PRKD1: variants seen among roughly 807,000 people sequenced by gnomAD.
The protein encoded by PRKD1 is serine/threonine-protein kinase D1.
A neutral mutation model predicts 95.9 loss-of-function variants in PRKD1; 63 were observed. The ratio of observed to expected loss-of-function variants is 0.66; its 90% CI spans 0.54 to 0.81. The LOEUF is 0.81. PRKD1 is among the 30% of genes least tolerant of loss of function. The pLI is 0.00. For synonymous variants in PRKD1, 425 were observed against 423.1 expected (o/e 1.00, Z -0.05); for missense variants, 1,048 against 1,165.3 (o/e 0.90, Z 1.47).
At chr14:29,611,746 C>CAAAAAAAAAAA (rs368153834) in intron 13 of PRKD1, among the ~76,000 whole-genome samples, 1 of 136,584 alleles carries the variant, frequency 7.3e-6, no homozygotes, top group Non-Finnish European at 1.5e-5. Flanking sequence ...GAATTATTAC[C>CAAAAAAAAAAA]AAAAAAAAAA....
At chr14:29,593,662 G>T (rs1893205544) in intron 16 of PRKD1, among the ~76,000 whole-genome samples, 1 of 152,182 alleles carries the variant, frequency 6.6e-6, no homozygotes, top group African/African-American at 2.4e-5. Flanking sequence ...GTAAAGCAGA[G>T]CTGAGAGATG....
chr14:29,740,156 G>T (rs1029875811), intron 1 of PRKD1, among the ~76,000 whole-genome samples: 5 of 152,114 alleles, frequency 3.3e-5, no homozygotes, highest in Admixed American at 3.3e-4. Flanking sequence ...ACAGTAATTA[G>T]GCGTGTGGAT....
chr14:29,892,580 T>A (rs1203649792), intron 1 of PRKD1, among the ~76,000 whole-genome samples: 1 of 152,188 alleles, frequency 6.6e-6, no homozygotes, highest in Non-Finnish European at 1.5e-5. Flanking sequence ...CTACAAGATC[T>A]AGCCTCCTCT....
chr14:29,893,825 C>T (rs536266019), intron 1 of PRKD1, among the ~76,000 whole-genome samples: 5 of 152,236 alleles, frequency 3.3e-5, no homozygotes, highest in African/African-American at 7.2e-5. Flanking sequence ...ACAATCTCCT[C>T]GGCAATTACT....
intron 1 of PRKD1, among the ~76,000 whole-genome samples, chr14:29,805,249 G>A (rs1183840600): frequency 6.6e-6 from 1 of 152,164 alleles, no homozygotes; most frequent in African/African-American, 2.4e-5. Context: ...GTCGGGGGAA[G>A]AAGTAAAAAT....
At chr14:29,910,752 T>C (rs535352011) in intron 1 of PRKD1, among the ~76,000 whole-genome samples, 52 of 152,328 alleles carry the variant, frequency 3.4e-4, no homozygotes, top group South Asian at 1.5e-3. Context: ...GATACACGAT[T>C]CCCCCTTTCT....
rs181931949 is a variant in PRKD1 at position 29,883,786 on chromosome 14, A to G, written c.264+43463T>C. Among the ~76,000 whole-genome samples the G allele has an allele frequency of 2.9e-3, 442 of 152,336 alleles. 3 individuals carry two copies. Among genetic ancestry groups the G allele is most frequent in the Non-Finnish European group, 4.7e-3 (319 of 68,018 alleles). On this transcript the variant is annotated intron_variant, in intron 1 of 17. Coordinates refer to ENST00000331968, the MANE Select transcript of PRKD1 (RefSeq NM_002742.3). ...GAGACCCCCAAGATTGGAAACAAAGACAAGTAAAAATGAGTAAAACGAGAA... is the reference window on the plus strand; with the variant it reads ...GAGACCCCCAAGATTGGAAACAAAGGCAAGTAAAAATGAGTAAAACGAGAA...
At chr14:29,875,162 T>C (rs1893242163) in intron 1 of PRKD1, among the ~76,000 whole-genome samples, 2 of 152,216 alleles carry the variant, frequency 1.3e-5, no homozygotes, top group Non-Finnish European at 2.9e-5. Context: ...TAGGCAAATC[T>C]TTTAAATTTC....
intron 1 of PRKD1, among the ~76,000 whole-genome samples, chr14:29,785,965 G>A (rs780118064): frequency 6.7e-6 from 1 of 148,830 alleles, no homozygotes; most frequent in Non-Finnish European, 1.5e-5. Context: ...TTAGTATCAT[G>A]TTAGTCACAT....
At chr14:29,819,785 G>A (rs921055911) in intron 1 of PRKD1, among the ~76,000 whole-genome samples, 10 of 152,188 alleles carry the variant, frequency 6.6e-5, no homozygotes, top group Admixed American at 6.5e-4. Context: ...AAAGCTAGAG[G>A]AATGTTCTTT....
chr14:29,729,390 T>G (rs1886324325), intron 1 of PRKD1, among the ~76,000 whole-genome samples: 1 of 152,088 alleles, frequency 6.6e-6, no homozygotes, highest in Non-Finnish European at 1.5e-5. Context: ...TTAAGTGACT[T>G]TTGGCAGTTT....
At position 29,624,191 on chromosome 14, in the gene PRKD1, T is replaced by C; in HGVS notation, c.1866A>G (p.Lys622=). The C allele has an allele frequency of 6.2e-7, 1 of 1,605,360 alleles. No homozygotes were observed. Among genetic ancestry groups the C allele is most frequent in the Non-Finnish European group, 8.5e-7 (1 of 1,175,490 alleles). Residue 622 remains lysine (K), a synonymous_variant, in exon 13 of 18, where the codon AAA becomes AAG. Transcript: ENST00000331968. Reference sequence around the variant, plus strand: ...CCTCATTACGAAGCTGGCTTTCTTGTTTTGTTGGAAATCGTAATTTGTCAA... The same window carrying C: ...CCTCATTACGAAGCTGGCTTTCTTGCTTTGTTGGAAATCGTAATTTGTCAA... ...KIIDKLRFPT[K]QESQLRNEVA...
intron 2 of PRKD1, among the ~76,000 whole-genome samples, chr14:29,720,909 T>C (rs1269735712): frequency 6.6e-6 from 1 of 152,182 alleles, no homozygotes; most frequent in Non-Finnish European, 1.5e-5. Context: ...CTCAGATAAG[T>C]ACCTGAATCA....
intron 4 of PRKD1, among the ~76,000 whole-genome samples, chr14:29,653,632 G>A (rs1409984163): frequency 6.6e-6 from 1 of 151,668 alleles, no homozygotes; most frequent in African/African-American, 2.4e-5. Flanking sequence ...CTTTAATCTG[G>A]CCATGTTGAT....
intron 1 of PRKD1, among the ~76,000 whole-genome samples, chr14:29,867,257 T>G (rs1349834088): frequency 6.6e-6 from 1 of 152,084 alleles, no homozygotes; most frequent in Admixed American, 6.6e-5. Context: ...AGAAAAACAA[T>G]GTAACAAAAG....
At chr14:29,754,264 A>G (rs1887602636) in intron 1 of PRKD1, among the ~76,000 whole-genome samples, 2 of 152,200 alleles carry the variant, frequency 1.3e-5, no homozygotes, top group South Asian at 4.1e-4. Flanking sequence ...CATTACAAAT[A>G]ACTCCATCCA....
At chr14:29,580,044 CTT>C (rs1168740873) in intron 16 of PRKD1, among the ~76,000 whole-genome samples, 1 of 152,142 alleles carries the variant, frequency 6.6e-6, no homozygotes, top group African/African-American at 2.4e-5. Context: ...GAAGGGAGAG[CTT>C]ATGTGCTATT....
At chr14:29,632,259 G>T (rs1880057349) in intron 9 of PRKD1, among the ~76,000 whole-genome samples, 1 of 152,102 alleles carries the variant, frequency 6.6e-6, no homozygotes, top group Non-Finnish European at 1.5e-5. Context: ...ATGTAAAATG[G>T]CTGTGGAGAA....
At chr14:29,866,933 G>A (rs1892929075) in intron 1 of PRKD1, among the ~76,000 whole-genome samples, 1 of 152,060 alleles carries the variant, frequency 6.6e-6, no homozygotes, top group African/African-American at 2.4e-5. Flanking sequence ...CACACATGGT[G>A]GACACTCAAA....
Sources: gnomAD v4.1 joint callset for allele counts (sites outside exome capture counted in the v4.1 genomes callset) on GRCh38, gnomAD v4.1.1 for gene constraint, MANE v1.5 for transcripts, NCBI Gene and HGNC (gene_info 2026-07-23, HGNC 2026-07-21) for gene names.